The following SIAE variants were observed in gnomAD, a reference collection of about 807,000 sequenced individuals.
SIAE encodes the protein sialic acid acetylesterase, also known as sialate O-acetylesterase.
A neutral mutation model predicts 52.6 loss-of-function variants in SIAE; 39 were observed. The ratio of observed to expected loss-of-function variants is 0.74; its 90% CI spans 0.57 to 0.97. The LOEUF is 0.97. Among genes scored for constraint, SIAE ranks in the 50% least tolerant of loss-of-function variants. The pLI, the probability that SIAE is intolerant of heterozygous loss-of-function variation, is 0.00. For missense variants in SIAE, 592 were observed against 662.1 expected, an observed-to-expected ratio of 0.89 and a Z score of 1.16; for synonymous variants, 233 against 241.4, an observed-to-expected ratio of 0.97 and a Z score of 0.32.
chr11:124,645,595 C>T lies in SIAE; in HGVS notation c.966+1770G>A, dbSNP rs117770287. Reference sequence around the variant, plus strand: ...GGATTACAAGCGTGAGCCACCAAGCCCGGCCTGATTGCTATATTTCTAGCA... The same window carrying T: ...GGATTACAAGCGTGAGCCACCAAGCTCGGCCTGATTGCTATATTTCTAGCA... On this transcript the variant is annotated intron_variant, in intron 7 of 9. Transcript: ENST00000263593. This position sits in a 1 kb window ranked among gnomAD's most constrained non-coding sequence, Gnocchi z 4.7. 0.01 allele frequency among the ~76,000 whole-genome samples: 1,536 copies of T among 152,206 alleles called. 8 individuals carry two copies. The highest frequency in any genetic ancestry group is 0.02 in the Middle Eastern group (6 of 294).
chr11:124,646,348 T>G (rs890739943), intron 7 of SIAE, among the ~76,000 whole-genome samples: 3 of 152,288 alleles, frequency 2.0e-5, no homozygotes, highest in Middle Eastern at 3.4e-3. Flanking sequence ...CAGGAAAATG[T>G]AGTCATGTAG....
At chr11:124,655,985 ATT>A (rs1412215060) in intron 3 of SIAE, among the ~76,000 whole-genome samples, 1 of 152,034 alleles carries the variant, frequency 6.6e-6, no homozygotes, top group African/African-American at 2.4e-5. Flanking sequence ...CTTCAGACAA[ATT>A]TTGTTTCATG....
At chr11:124,650,710 T>C (rs1158317555) in intron 4 of SIAE, among the ~76,000 whole-genome samples, 6 of 151,950 alleles carry the variant, frequency 3.9e-5, no homozygotes, top group African/African-American at 1.5e-4. Flanking sequence ...GAGGCATAGG[T>C]TGCAGTGAGC....
In SIAE at chr11:124,636,853, T is replaced by C; in HGVS notation, c.*98A>G. 2 of 1,552,824 alleles carry C rather than the reference T, an allele frequency of 1.3e-6. No individual in the cohort carries two copies. Among genetic ancestry groups the C allele is most frequent in the South Asian group, 1.1e-5 (1 of 89,046 alleles). The stretch of plus-strand genomic sequence containing the variant: ...GAAAGCCATTCAATGAGGCTTTCTA[T>C]TAATTTCCTTTAAAAGCAATGGTTA... On this transcript the variant is annotated 3_prime_UTR_variant, in exon 10 of 10. Transcript: ENST00000263593.
upstream of SIAE, chr11:124,674,583 A>G (rs1377821106): frequency 6.6e-6 from 1 of 152,260 alleles, no homozygotes; most frequent in African/African-American, 2.4e-5. Flanking sequence ...CAAGACAGAA[A>G]GAGACAACCT....
chr11:124,656,242 G>A (rs1003267522), intron 3 of SIAE, among the ~76,000 whole-genome samples: 5 of 152,108 alleles, frequency 3.3e-5, no homozygotes, highest in Non-Finnish European at 7.4e-5. Context: ...ATTATTTATT[G>A]TTGTATTGCC....
chr11:124,650,983 G>T (rs1180113268), intron 4 of SIAE, among the ~76,000 whole-genome samples: 2 of 152,116 alleles, frequency 1.3e-5, no homozygotes, highest in Admixed American at 1.3e-4. Context: ...GCAATTTCAT[G>T]TTAGAAGAAA....
chr11:124,672,173 A>C (rs1432212297), intron 1 of SIAE, among the ~76,000 whole-genome samples: 2 of 152,146 alleles, frequency 1.3e-5, no homozygotes, highest in Admixed American at 1.3e-4. Context: ...TCAGCCTCCC[A>C]AAGTGCTGGG....
intron 1 of SIAE, among the ~76,000 whole-genome samples, chr11:124,671,424 TAG>T (rs1277762359): frequency 3.3e-5 from 5 of 152,228 alleles, no homozygotes; most frequent in Non-Finnish European, 7.3e-5. Context: ...TCCATTCTAC[TAG>T]AGACTTTACC....
In SIAE at chr11:124,634,713, A is replaced by C. The variant is rs2134343540; in HGVS notation, c.*2238T>G. 1 of 152,324 alleles carries C rather than the reference A, an allele frequency of 6.6e-6. No individual in the cohort carries two copies. The highest frequency in any genetic ancestry group is 2.1e-4 in the South Asian group (1 of 4,822). The allele number at this position is 152,324 out of a possible 1,614,324, so 9.4% of individuals were successfully genotyped here. A position where few individuals can be genotyped will look rare whatever the true frequency, so the allele number is the denominator to read the frequency against. On this transcript the variant is annotated 3_prime_UTR_variant, in exon 10 of 10. Coordinates refer to ENST00000263593, the MANE Select transcript of SIAE (RefSeq NM_170601.5). ...TAAAATGAGGCTTCCACAAACTGAA[A>C]CACTCTAAATCTATATTCTATTATT...
rs139676947 is a variant in SIAE at position 124,639,728 on chromosome 11, C to T, written c.1106G>A (p.Arg369Lys). Residue 369 changes from arginine (R) to lysine (K), a missense_variant, in exon 8 of 10, where the codon AGA (arginine) becomes AAA (lysine). By Grantham distance (26) the Arg-to-Lys change is conservative. Coordinates refer to ENST00000263593, the MANE Select transcript of SIAE (RefSeq NM_170601.5). ...FMAVAMDLCD[R>K]DSPFGSIHPR... is the part of the protein sequence containing the mutation. ...ATCATACCTGCCAAAAGGCGAGTCTCTATCACAGAGATCCATAGCTACAGC... is the reference window on the plus strand; with the variant it reads ...ATCATACCTGCCAAAAGGCGAGTCTTTATCACAGAGATCCATAGCTACAGC... 2 of 1,614,012 alleles carry T rather than the reference C, an allele frequency of 1.2e-6. No individual in the cohort carries two copies. The highest frequency in any genetic ancestry group is 3.3e-5 in the Admixed American group (2 of 60,004).
chr11:124,662,442 C>T (rs1259425942), intron 2 of SIAE, among the ~76,000 whole-genome samples: 1 of 152,158 alleles, frequency 6.6e-6, no homozygotes, highest in African/African-American at 2.4e-5. Flanking sequence ...AGGTCAACCT[C>T]CAGAAAACCA....
rs1398265488 is a variant in SIAE, at chr11:124,645,475, A to G, written c.966+1890T>C. On this transcript the variant is annotated intron_variant, in intron 7 of 9. Transcript: ENST00000263593. The surrounding 1 kb of genome is among the most constrained non-coding windows in gnomAD (Gnocchi z 4.7). ...CGCCACCACACCCGACTAATTTTGT[A>G]TTTTTAGTAGAGACGGGGCTTCTCC... Among the ~76,000 whole-genome samples the G allele has an allele frequency of 1.3e-5, 2 of 152,000 alleles. No homozygotes were observed. Among genetic ancestry groups the G allele is most frequent in the African/African-American group, 4.8e-5 (2 of 41,414 alleles).
Position 124,643,999 on chromosome 11 carries a change from G to A in SIAE, c.966+3366C>T, listed in dbSNP as rs1017588101. On this transcript the variant is annotated intron_variant, in intron 7 of 9. Coordinates refer to ENST00000263593, the MANE Select transcript of SIAE (RefSeq NM_170601.5). ...ATGTGGCCAAATGCAACTTTGAATCGAGGATATTTTCTGCTCTCTGAGTTG... is the reference window on the plus strand; with the variant it reads ...ATGTGGCCAAATGCAACTTTGAATCAAGGATATTTTCTGCTCTCTGAGTTG... Among the ~76,000 whole-genome samples, 6 of 152,224 alleles carry A rather than the reference G, an allele frequency of 3.9e-5. No individual in the cohort carries two copies. In the South Asian group the frequency reaches 1.2e-3, roughly 32 times the overall value.
At chr11:124,656,555 G>A (rs1943103155) in intron 3 of SIAE, among the ~76,000 whole-genome samples, 1 of 152,246 alleles carries the variant, frequency 6.6e-6, no homozygotes, top group Non-Finnish European at 1.5e-5. Flanking sequence ...GGAAAAGAAT[G>A]TGTATGCTAC....
rs1942682980 is a variant in SIAE at position 124,634,656 on chromosome 11, T to C, written c.*2295A>G. The C allele has an allele frequency of 6.6e-6, 1 of 152,190 alleles. No homozygotes were observed. 9.4% of individuals were successfully genotyped at this position (152,190 alleles called of 1,614,324 possible). On this transcript the variant is annotated 3_prime_UTR_variant, in exon 10 of 10. Transcript: ENST00000263593. ...TTTAATAGTAGAAAATTGTTAAAAA[T>C]CTATATGTCCATTAATAGGAAATTG...
chr11:124,655,266 C>T (rs1430573694), intron 3 of SIAE, among the ~76,000 whole-genome samples: 2 of 151,534 alleles, frequency 1.3e-5, no homozygotes, highest in Admixed American at 1.3e-4. Context: ...AGCTCCGCCT[C>T]CCAGGTTCAC....
At chr11:124,650,854 G>A in intron 4 of SIAE, among the ~76,000 whole-genome samples, 1 of 152,154 alleles carries the variant, frequency 6.6e-6, no homozygotes, top group East Asian at 1.9e-4. Flanking sequence ...ACAGATAAGT[G>A]ATGGGAAATT....
intron 1 of SIAE, among the ~76,000 whole-genome samples, chr11:124,672,161 C>T (rs1943371655): frequency 6.6e-6 from 1 of 152,186 alleles, no homozygotes; most frequent in South Asian, 2.1e-4. Flanking sequence ...GATCCGCCCA[C>T]CTCAGCCTCC....
Sources: gnomAD v4.1 joint callset for allele counts (sites outside exome capture counted in the v4.1 genomes callset) on GRCh38, gnomAD v4.1.1 for gene constraint, Gnocchi (gnomAD v3.1) non-coding constraint, MANE v1.5 for transcripts, NCBI Gene and HGNC (gene_info 2026-07-23, HGNC 2026-07-21) for gene names.